The following ENTPD1 variants were observed in gnomAD, a reference collection of about 807,000 sequenced individuals.
ENTPD1 encodes the protein ectonucleoside triphosphate diphosphohydrolase 1, also known as ATP diphosphohydrolase.
In ENTPD1, 33 loss-of-function variants were observed where a neutral mutation model predicts 57.0. That is an observed-to-expected ratio of 0.58 (90% CI 0.44 to 0.77). The LOEUF (loss-of-function observed/expected upper bound fraction) is 0.77, where lower values mean the gene tolerates loss of function less well. Among genes scored for constraint, ENTPD1 ranks in the 30% least tolerant of loss-of-function variants. ENTPD1 has a pLI of 0.00. For missense variants in ENTPD1, 501 were observed against 603.4 expected, an observed-to-expected ratio of 0.83 and a Z score of 1.78; for synonymous variants, 202 against 218.8, an observed-to-expected ratio of 0.92 and a Z score of 0.68.
chr10:95,813,990 T>C (rs1386672667), intron 1 of ENTPD1, among the ~76,000 whole-genome samples: 1 of 152,238 alleles, frequency 6.6e-6, no homozygotes, highest in Non-Finnish European at 1.5e-5. Context: ...CAAATGCAGC[T>C]GCTTTGAGAA....
Position 95,845,603 on chromosome 10 carries a change from A to G in ENTPD1, c.813+7A>G. On this transcript the variant is annotated splice_region_variant and intron_variant, in intron 6 of 9. Coordinates refer to ENST00000371205, the MANE Select transcript of ENTPD1 (RefSeq NM_001776.6). ...ACTGGCCAAGGACATTCAGGCAAGT[A>G]TAACTCAATCCAGACCTGCCCCCTT... 2 of 1,614,226 alleles carry G rather than the reference A, an allele frequency of 1.2e-6. No individual in the cohort carries two copies. Among genetic ancestry groups the G allele is most frequent in the Non-Finnish European group, 1.7e-6 (2 of 1,180,028 alleles).
At chr10:95,755,502 A>G (rs2098019992), upstream of ENTPD1, 1 of 597,382 alleles carries the variant, frequency 1.7e-6, no homozygotes, top group South Asian at 2.1e-5. Context: ...TTAGACTTCA[A>G]AGGTAGGAAG....
rs1566273987 is a variant in ENTPD1, at chr10:95,873,791, G to A, written c.*7408G>A. 3.6e-6 allele frequency: 3 copies of A among 837,112 alleles called. No individual in the cohort carries two copies. Among genetic ancestry groups the A allele is most frequent in the Non-Finnish European group, 4.3e-6 (3 of 694,492 alleles). 51.9% of individuals were successfully genotyped at this position (837,112 alleles called of 1,614,324 possible). A position where few individuals can be genotyped will look rare whatever the true frequency, so the allele number is the denominator to read the frequency against. ...TTGGACTTACAGTTCCACATGGCTG[G>A]GGAGGCCTCAAAATCAGGTGGGAGG... On this transcript the variant is annotated 3_prime_UTR_variant, in exon 10 of 10. Coordinates refer to ENST00000371205, the MANE Select transcript of ENTPD1 (RefSeq NM_001776.6).
chr10:95,762,225 A>AG (rs1230663259), intron 1 of ENTPD1, among the ~76,000 whole-genome samples: 45 of 151,886 alleles, frequency 3.0e-4, no homozygotes, highest in Admixed American at 2.9e-3. Flanking sequence ...AAAAAAAAAA[A>AG]AAGAAGTGTT....
chr10:95,780,549 A>T (rs2098153069), intron 1 of ENTPD1, among the ~76,000 whole-genome samples: 1 of 152,094 alleles, frequency 6.6e-6, no homozygotes, highest in South Asian at 2.1e-4. Context: ...GCTTTTTGTA[A>T]TTTTTTTCCC....
intron 1 of ENTPD1, among the ~76,000 whole-genome samples, chr10:95,762,565 C>CT (rs1657131077): frequency 6.6e-6 from 1 of 151,998 alleles, no homozygotes; most frequent in Non-Finnish European, 1.5e-5. Context: ...ATAGCGTGGT[C>CT]TTTGTTAGCG....
intron 1 of ENTPD1, among the ~76,000 whole-genome samples, chr10:95,809,038 G>A (rs1346645343): frequency 6.6e-6 from 1 of 152,090 alleles, no homozygotes; most frequent in Non-Finnish European, 1.5e-5. Flanking sequence ...ACGGGGTTGG[G>A]GGTAAGGTTA....
At chr10:95,809,615 C>T (rs11188496) in intron 1 of ENTPD1, among the ~76,000 whole-genome samples, 51,780 of 110,888 alleles carry the variant, frequency 0.47, 14,393 homozygotes, top group Admixed American at 0.58. Context: ...CAGGCAGAGG[C>T]GCTCCCCACC....
chr10:95,821,699 A>C (rs2098352087), intron 1 of ENTPD1, among the ~76,000 whole-genome samples: 1 of 152,142 alleles, frequency 6.6e-6, no homozygotes, highest in Admixed American at 6.5e-5. Context: ...TTTCTCCTAA[A>C]TTTTGTATTG....
intron 1 of ENTPD1, among the ~76,000 whole-genome samples, chr10:95,723,808 C>T (rs555776595): frequency 3.3e-5 from 5 of 152,204 alleles, no homozygotes; most frequent in Admixed American, 6.5e-5. Flanking sequence ...AAATTGAAAG[C>T]GGAAGCTGAT....
At chr10:95,820,116 T>C (rs1332683676) in intron 1 of ENTPD1, among the ~76,000 whole-genome samples, 3 of 152,208 alleles carry the variant, frequency 2.0e-5, no homozygotes, top group African/African-American at 4.8e-5. Context: ...ACCTCTTCTT[T>C]GGCACCACTT....
chr10:95,704,234 T>C, the ENTPD1 span, among the ~76,000 whole-genome samples: 1 of 152,186 alleles, frequency 6.6e-6, no homozygotes, highest in Non-Finnish European at 1.5e-5. Flanking sequence ...AATTCATGTA[T>C]AGATTCATAC....
chr10:95,790,145 C>T (rs576520972), intron 1 of ENTPD1, among the ~76,000 whole-genome samples: 13 of 152,316 alleles, frequency 8.5e-5, no homozygotes, highest in East Asian at 7.7e-4. Context: ...ATGTCTGCAG[C>T]GGTGGTTGCC....
In ENTPD1 at chr10:95,871,768, T is replaced by G. The variant is rs1394530697; in HGVS notation, c.*5385T>G. On this transcript the variant is annotated 3_prime_UTR_variant, in exon 10 of 10. Coordinates refer to ENST00000371205, the MANE Select transcript of ENTPD1 (RefSeq NM_001776.6). ...CTCATCAGCACTAGAGTTGACTTGT[T>G]TTTATAACCCCTTTGCATGTATGTT... is the stretch of plus-strand genomic sequence containing the variant. 3.0e-6 allele frequency: 3 copies of G among 985,334 alleles called. No individual in the cohort carries two copies. The highest frequency in any genetic ancestry group is 2.4e-6 in the Non-Finnish European group (2 of 829,940). The allele number at this position is 985,334 out of a possible 1,614,324, so 61.0% of individuals were successfully genotyped here. A position where few individuals can be genotyped will look rare whatever the true frequency, so the allele number is the denominator to read the frequency against.
At chr10:95,846,802 A>G (rs931971265) in intron 6 of ENTPD1, among the ~76,000 whole-genome samples, 16 of 151,958 alleles carry the variant, frequency 1.1e-4, no homozygotes, top group African/African-American at 3.6e-4. Context: ...AGCCTGACCA[A>G]CATGGCGACA....
At chr10:95,697,128 T>G in the ENTPD1 span, among the ~76,000 whole-genome samples, 1 of 152,218 alleles carries the variant, frequency 6.6e-6, no homozygotes, top group Non-Finnish European at 1.5e-5. Context: ...AAGTGACTCT[T>G]GGAGTGCTCT....
At chr10:95,780,890 C>G (rs898841081) in intron 1 of ENTPD1, among the ~76,000 whole-genome samples, 1 of 152,096 alleles carries the variant, frequency 6.6e-6, no homozygotes, top group Non-Finnish European at 1.5e-5. Flanking sequence ...TGCATATGAT[C>G]CAGCAATTCC....
At chr10:95,760,814 C>CTTTTTTTTTTTTTGTTT (rs2098055908) in intron 1 of ENTPD1, among the ~76,000 whole-genome samples, 1 of 62,956 alleles carries the variant, frequency 1.6e-5, no homozygotes, top group Non-Finnish European at 2.8e-5. Context: ...AGAGTTTATT[C>CTTTTTTTTTTTTTGTTT]TTTTTTTTTT....
In ENTPD1 at chr10:95,871,128, A is replaced by T; in HGVS notation, c.*4745A>T. 1 of 985,502 alleles carries T rather than the reference A, an allele frequency of 1.0e-6. No homozygotes were observed. The highest frequency in any genetic ancestry group is 1.2e-6 in the Non-Finnish European group (1 of 829,944). 61.0% of individuals were successfully genotyped at this position (985,502 alleles called of 1,614,324 possible). A position where few individuals can be genotyped will look rare whatever the true frequency, so the allele number is the denominator to read the frequency against. ...GTCATATGAGCAAGCTCAATAAAAT[A>T]TAAACAAGTCAGATAAACAGTGGGA... is the stretch of plus-strand genomic sequence containing the variant. On this transcript the variant is annotated 3_prime_UTR_variant, in exon 10 of 10. Coordinates refer to ENST00000371205, the MANE Select transcript of ENTPD1 (RefSeq NM_001776.6).
Sources: gnomAD v4.1 joint callset for allele counts (sites outside exome capture counted in the v4.1 genomes callset) on GRCh38, gnomAD v4.1.1 for gene constraint, MANE v1.5 for transcripts, NCBI Gene and HGNC (gene_info 2026-07-23, HGNC 2026-07-21) for gene names.